The following CFAP157 variants were observed in gnomAD, a reference collection of about 807,000 sequenced individuals.
CFAP157 encodes the protein cilia- and flagella-associated protein 157.
In CFAP157, 43 loss-of-function variants were observed where a neutral mutation model predicts 57.8. That is an observed-to-expected ratio of 0.74 (90% CI 0.58 to 0.96). The LOEUF (loss-of-function observed/expected upper bound fraction) is 0.96, where lower values mean the gene tolerates loss of function less well. Among genes scored for constraint, CFAP157 ranks in the 40% least tolerant of loss-of-function variants. The pLI is 0.00. For missense variants in CFAP157, 606 were observed against 655.3 expected (o/e 0.92, Z 0.82); for synonymous variants, 267 against 269.0 (o/e 0.99, Z 0.07).
rs1336791472 is a variant in CFAP157 at position 127,709,708 on chromosome 9, G to A, written c.433+15G>A. 4.4e-6 allele frequency: 7 copies of A among 1,608,218 alleles called. No individual in the cohort carries two copies. Among genetic ancestry groups the A allele is most frequent in the Non-Finnish European group, 5.9e-6 (7 of 1,176,552 alleles). On this transcript the variant is annotated intron_variant, in intron 2 of 8. Transcript: ENST00000373295. The surrounding 1 kb of genome is among the most constrained non-coding windows in gnomAD (Gnocchi z 4.7). The stretch of plus-strand genomic sequence containing the variant: ...CATCATCCTTGGTGAGGAGGGGACT[G>A]GCTGGTGAGCCTGCAGGCACACATC...
chr9:127,709,526 G>A lies in CFAP157; in HGVS notation c.266G>A (p.Arg89His), dbSNP rs567018611. 6 of 1,614,110 alleles carry A rather than the reference G, an allele frequency of 3.7e-6. No homozygotes were observed. The highest frequency in any genetic ancestry group is 2.2e-5 in the East Asian group (1 of 44,880). ...AAGGAGATTGTGGCCTTCCTCAAGC[G>A]CACGCTCAACCAGCAGGTGGATGAG... ...NKKEIVAFLKRTLNQQVDEIT... is the reference protein window; with the variant it reads ...NKKEIVAFLKHTLNQQVDEIT... Residue 89 changes from arginine (R) to histidine (H), a missense_variant, in exon 2 of 9, where the codon CGC becomes CAC. Coordinates refer to ENST00000373295, the MANE Select transcript of CFAP157 (RefSeq NM_001012502.3). This position sits in a 1 kb window ranked among gnomAD's most constrained non-coding sequence, Gnocchi z 4.7.
chr9:127,712,116 A>C, intron 5 of CFAP157, 83 bp from the exon 6 acceptor site: 1 of 1,558,766 alleles, frequency 6.4e-7, no homozygotes, highest in Non-Finnish European at 8.7e-7. Flanking sequence ...GGGCTTGGAG[A>C]GAAATGGCAG....
At position 127,714,117 on chromosome 9, in the gene CFAP157, G is replaced by A. The variant is rs1357873238; in HGVS notation, c.*212G>A. 1 of 1,613,118 alleles carries A rather than the reference G, an allele frequency of 6.2e-7. No homozygotes were observed. Among genetic ancestry groups the A allele is most frequent in the African/African-American group, 1.3e-5 (1 of 74,938 alleles). On this transcript the variant is annotated 3_prime_UTR_variant, in exon 9 of 9. Coordinates refer to ENST00000373295, the MANE Select transcript of CFAP157 (RefSeq NM_001012502.3). ...CACTAGTGTCACGGCCCCAGTGAGG[G>A]CCCCTGGCTTCGCTCACGGATGTGG... is the stretch of plus-strand genomic sequence containing the variant.
In CFAP157 at chr9:127,714,747, A is replaced by G. The variant is rs1318553488; in HGVS notation, c.*842A>G. 4.7e-6 allele frequency: 7 copies of G among 1,505,168 alleles called. No individual in the cohort carries two copies. The highest frequency in any genetic ancestry group is 5.5e-6 in the Non-Finnish European group (6 of 1,095,054). 93.2% of individuals were successfully genotyped at this position (1,505,168 alleles called of 1,614,324 possible). A position where few individuals can be genotyped will look rare whatever the true frequency, so the allele number is the denominator to read the frequency against. ...AGCCCTGGTTACTGCCCATCTGCCC[A>G]GAGAGGCACTGTCCCGACTCCCATG... On this transcript the variant is annotated 3_prime_UTR_variant, in exon 9 of 9. Coordinates refer to ENST00000373295, the MANE Select transcript of CFAP157 (RefSeq NM_001012502.3).
Position 127,714,276 on chromosome 9 carries a change from G to T in CFAP157, c.*371G>T. On this transcript the variant is annotated 3_prime_UTR_variant, in exon 9 of 9. Transcript: ENST00000373295. The stretch of plus-strand genomic sequence containing the variant: ...CGCCCGATACCCACCCGCAGCCTTG[G>T]CATTGCCTGTGGGAGAGCCAGAGAG... The T allele has an allele frequency of 6.2e-7, 1 of 1,613,962 alleles. No individual in the cohort carries two copies. Among genetic ancestry groups the T allele is most frequent in the Non-Finnish European group, 8.5e-7 (1 of 1,179,920 alleles).
At chr9:127,711,118 G>A (rs940420930) in intron 3 of CFAP157, 111 bp from the exon 4 acceptor site, 1 of 1,356,750 alleles carries the variant, frequency 7.4e-7, no homozygotes, top group Non-Finnish European at 1.0e-6. Flanking sequence ...CCCAGGGAGA[G>A]AGCATGCTGG....
Position 127,715,153 on chromosome 9 carries a change from G to A in CFAP157, c.*1248G>A, listed in dbSNP as rs1263484450. 5.2e-6 allele frequency: 8 copies of A among 1,536,024 alleles called. No homozygotes were observed. In the South Asian group the frequency reaches 8.3e-5, roughly 16 times the overall value. ...GCCCCAGCACCGCCATGCCCACGCT[G>A]TGTCGCGTGCCGGGCAGTCCGGGAT... On this transcript the variant is annotated 3_prime_UTR_variant, in exon 9 of 9. Transcript: ENST00000373295. This position sits in a 1 kb window ranked among gnomAD's most constrained non-coding sequence, Gnocchi z 5.8.
chr9:127,711,111 A>C, intron 3 of CFAP157, 118 bp from the exon 4 acceptor site: 6 of 1,256,712 alleles, frequency 4.8e-6, no homozygotes, highest in Non-Finnish European at 5.5e-6. Context: ...CAACCCTCCC[A>C]GGGAGAGAGC....
chr9:127,710,564 C>T (rs1351726777), intron 2 of CFAP157, 37 bp from the exon 3 acceptor site: 1 of 1,559,030 alleles, frequency 6.4e-7, no homozygotes, highest in Admixed American at 1.9e-5. Context: ...TCCTCTGAGG[C>T]AGCCCATCAT....
intron 8 of CFAP157, 32 bp from the exon 9 acceptor site, chr9:127,713,802 C>T (rs752953662): frequency 3.0e-5 from 48 of 1,600,240 alleles, no homozygotes; most frequent in Middle Eastern, 1.7e-4. Context: ...CCACTGCACC[C>T]GGCCTCCAAG....
intron 6 of CFAP157, 103 bp downstream of exon 6, chr9:127,712,452 TTTCCC>T: frequency 6.7e-7 from 1 of 1,502,966 alleles, no homozygotes; most frequent in Non-Finnish European, 9.0e-7. Context: ...AGGCCCCTCT[TTTCCC>T]TGAGAGACTC....
intron 4 of CFAP157, 125 bp downstream of exon 4, chr9:127,711,621 G>A: frequency 7.7e-7 from 1 of 1,296,386 alleles, no homozygotes. Context: ...AGAGAGGACT[G>A]GGCCTCCTGT....
intron 5 of CFAP157, 95 bp downstream of exon 5, chr9:127,712,045 TC>T: frequency 6.6e-7 from 1 of 1,513,984 alleles, no homozygotes; most frequent in Non-Finnish European, 8.9e-7. Context: ...GCCAGTGACT[TC>T]CCCTCTCTAG....
rs1185639397 is a variant in CFAP157 at position 127,707,082 on chromosome 9, GAAGA to G, written c.55_58del (p.Lys19GlyfsTer18). ...AGGCAGGCAAGGAGCTTGAAGTCAA[GAAGA>G]AAGGGGGCAAGAAGGAGCCGGTGGT... On this transcript the variant is annotated frameshift_variant, in exon 1 of 9. Transcript: ENST00000373295. LOFTEE classifies it high-confidence loss of function. 3.7e-6 allele frequency: 6 copies of G among 1,613,858 alleles called. No individual in the cohort carries two copies. The highest frequency in any genetic ancestry group is 4.2e-6 in the Non-Finnish European group (5 of 1,180,024).
chr9:127,711,304 G>A lies in CFAP157; in HGVS notation c.663G>A (p.Trp221Ter). 6.2e-7 allele frequency: 1 copy of A among 1,614,162 alleles called. No homozygotes were observed. Among genetic ancestry groups the A allele is most frequent in the Non-Finnish European group, 8.5e-7 (1 of 1,180,030 alleles). ...ACAAGGTGACCACGAACCGGATGTG[G>A]GAGACAACCAAGCGGGCCATCAAAG... ...EFHKVTTNRMWETTKRAIKEN... is the reference protein window; with the variant it reads ...EFHKVTTNRM The change falls in exon 4 of 9, where the codon TGG becomes TGA. Residue 221 changes from tryptophan (W) to a stop codon, truncating the protein, a stop_gained. Coordinates refer to ENST00000373295, the MANE Select transcript of CFAP157 (RefSeq NM_001012502.3). LOFTEE classifies it high-confidence loss of function.
Position 127,714,962 on chromosome 9 carries a change from G to GCT in CFAP157, c.*1061_*1062dup. On this transcript the variant is annotated 3_prime_UTR_variant, in exon 9 of 9. Transcript: ENST00000373295. The stretch of plus-strand genomic sequence containing the variant: ...CTTGGCCCGCCCGCCCACCCCTGGC[G>GCT]CTCTCAACTCACCAGCCCGGGCCAC... 1 of 300,786 alleles carries GCT rather than the reference G, an allele frequency of 3.3e-6. No homozygotes were observed. Among genetic ancestry groups the GCT allele is most frequent in the Non-Finnish European group, 5.6e-6 (1 of 178,616 alleles). 18.6% of individuals were successfully genotyped at this position (300,786 alleles called of 1,614,324 possible). A position where few individuals can be genotyped will look rare whatever the true frequency, so the allele number is the denominator to read the frequency against.
Position 127,709,529 on chromosome 9 carries a change from C to T in CFAP157, c.269C>T (p.Thr90Met), listed in dbSNP as rs766128866. The T allele has an allele frequency of 3.4e-5, 55 of 1,614,014 alleles. No individual in the cohort carries two copies. Among genetic ancestry groups the T allele is most frequent in the East Asian group, 2.7e-4 (12 of 44,894 alleles). The stretch of plus-strand genomic sequence containing the variant: ...GAGATTGTGGCCTTCCTCAAGCGCA[C>T]GCTCAACCAGCAGGTGGATGAGATC... ...KKEIVAFLKRTLNQQVDEITD... is the reference protein window; with the variant it reads ...KKEIVAFLKRMLNQQVDEITD... Residue 90 changes from threonine (T) to methionine (M), a missense_variant, in exon 2 of 9, where the codon ACG becomes ATG. Transcript: ENST00000373295. This position sits in a 1 kb window ranked among gnomAD's most constrained non-coding sequence, Gnocchi z 4.7.
chr9:127,711,752 G>A, intron 4 of CFAP157, 68 bp from the exon 5 acceptor site: 1 of 1,512,930 alleles, frequency 6.6e-7, no homozygotes, highest in Non-Finnish European at 8.9e-7. Context: ...GAACACGGGA[G>A]GCCTGGCTGT....
chr9:127,710,572 C>G (rs1474662464), intron 2 of CFAP157, 29 bp from the exon 3 acceptor site: 1 of 1,563,420 alleles, frequency 6.4e-7, no homozygotes. Context: ...GGCAGCCCAT[C>G]ATTGGGCCTT....
Sources: gnomAD v4.1 joint callset for allele counts on GRCh38, gnomAD v4.1.1 for gene constraint, Gnocchi (gnomAD v3.1) non-coding constraint, MANE v1.5 for transcripts, NCBI Gene and HGNC (gene_info 2026-07-23, HGNC 2026-07-21) for gene names.